The following ANKRD36C variants were observed in gnomAD, a reference collection of about 807,000 sequenced individuals.
ANKRD36C encodes ankyrin repeat domain-containing protein 36C.
In ANKRD36C, 61 loss-of-function variants were observed where a neutral mutation model predicts 276.4. The observed-to-expected ratio is 0.22, with a 90% CI of 0.18 to 0.27. The LOEUF is 0.27. ANKRD36C is among the 10% of genes least tolerant of loss of function. The probability of loss-of-function intolerance (pLI) is 1.00; values close to 1 mark genes in which losing one functional copy is unlikely to be tolerated. For synonymous variants in ANKRD36C, 483 were observed against 680.1 expected, an observed-to-expected ratio of 0.71 and a Z score of 4.51; for missense variants, 1,447 against 2,032.3, an observed-to-expected ratio of 0.71 and a Z score of 5.54.
chr2:95,923,774 G>C (rs1393404614), intron 30 of ANKRD36C, 85 bp from the exon 31 acceptor site: 66 of 1,566,422 alleles, frequency 4.2e-5, no homozygotes, highest in Non-Finnish European at 5.7e-5. Context: ...GAATCAAGCT[G>C]TATGCTCCTG....
intron 52 of ANKRD36C, among the ~76,000 whole-genome samples, chr2:95,885,360 G>T (rs1676175549): frequency 6.6e-6 from 1 of 151,890 alleles, no homozygotes; most frequent in Non-Finnish European, 1.5e-5. Context: ...AACAAAACGT[G>T]TATCTCTGAT....
intron 17 of ANKRD36C, among the ~76,000 whole-genome samples, 155 bp from the exon 18 acceptor site, chr2:95,945,329 A>G (rs563498126): frequency 6.6e-6 from 1 of 152,422 alleles, no homozygotes; most frequent in Admixed American, 6.5e-5. Context: ...ACTTATCTAC[A>G]TATTCACATG....
At chr2:95,889,799 C>T (rs1676291963) in exon 48 of ANKRD36C, 1 of 1,585,380 alleles carries the variant, frequency 6.3e-7, no homozygotes, top group Admixed American at 1.8e-5. Flanking sequence ...GCAAAATTAC[C>T]TGTCCCAGAT....
Position 95,959,631 on chromosome 2 carries a change from C to G in ANKRD36C, c.1003+842G>C, listed in dbSNP as rs556065283. On this transcript the variant is annotated intron_variant, in intron 10 of 66. Transcript: ENST00000456556. ...AATTAATGAATTCAACATTATTTTT[C>G]TTTCTAAAATAGTCTGGTTTGAAGG... is the stretch of plus-strand genomic sequence containing the variant. 1.4e-3 allele frequency among the ~76,000 whole-genome samples: 214 copies of G among 149,970 alleles called. 3 individuals are homozygous for G. The highest frequency in any genetic ancestry group is 1.1e-3 in the Non-Finnish European group (75 of 67,080).
intron 59 of ANKRD36C, among the ~76,000 whole-genome samples, chr2:95,874,618 G>A (rs1675899647): frequency 6.6e-6 from 1 of 152,126 alleles, no homozygotes; most frequent in Non-Finnish European, 1.5e-5. Context: ...CATAGGCATG[G>A]GCAAGGACTT....
chr2:95,930,519 T>A (rs1677536066), intron 24 of ANKRD36C, among the ~76,000 whole-genome samples: 1 of 151,642 alleles, frequency 6.6e-6, no homozygotes, highest in African/African-American at 2.4e-5. Context: ...CACTGTCTCT[T>A]CGTCCACTTT....
exon 65 of ANKRD36C, chr2:95,852,143 C>G (rs768129141): frequency 3.9e-5 from 63 of 1,608,480 alleles, no homozygotes; most frequent in Non-Finnish European, 4.8e-5. Flanking sequence ...CGTCGCCTTC[C>G]ATCTCCTTAG....
At position 95,867,572 on chromosome 2, in the gene ANKRD36C, G is replaced by C. The variant is rs749177094; in HGVS notation, c.3550C>G (p.Gln1184Glu). 90 of 1,400,622 alleles carry C rather than the reference G, an allele frequency of 6.4e-5. No homozygotes were observed. The African/African-American group carries it at 1.1e-3, about 17-fold the overall frequency. The allele number at this position is 1,400,622 out of a possible 1,614,324, so 86.8% of individuals were successfully genotyped here. The change falls in exon 60 of 67, where the codon CAA becomes GAA. Residue 1184 changes from glutamine (Q) to glutamate (E), a missense_variant. Gln to Glu is a conservative substitution (Grantham distance 29). Transcript: ENST00000456556. ...TCAAGGTCATCCCTAGAATGTATTT[G>C]GTTTTTCACCTACAAAATAAATAAC...
downstream of ANKRD36C, among the ~76,000 whole-genome samples, chr2:95,849,955 G>C (rs1466615531): frequency 2.4e-4 from 37 of 152,174 alleles, no homozygotes; most frequent in Non-Finnish European, 1.5e-5. Flanking sequence ...TGACCTGGGG[G>C]TTGGGGACCC....
At chr2:95,867,562 G>C (rs1348104033) in exon 60 of ANKRD36C, 2 of 1,437,404 alleles carry the variant, frequency 1.4e-6, no homozygotes, top group African/African-American at 2.9e-5. Context: ...GTCATCCCTA[G>C]AATGTATTTG....
At chr2:95,958,162 G>T (rs1222467267) in intron 12 of ANKRD36C, among the ~76,000 whole-genome samples, 1 of 151,290 alleles carries the variant, frequency 6.6e-6, no homozygotes, top group African/African-American at 2.4e-5. Context: ...CTACATCAGT[G>T]GTCTCATTAC....
intron 16 of ANKRD36C, among the ~76,000 whole-genome samples, 164 bp from the exon 17 acceptor site, chr2:95,948,760 G>A (rs1053143012): frequency 6.6e-6 from 1 of 152,168 alleles, no homozygotes; most frequent in Admixed American, 6.6e-5. Flanking sequence ...GTATAATTAA[G>A]ATATGGCTTC....
intron 19 of ANKRD36C, among the ~76,000 whole-genome samples, chr2:95,942,723 A>T (rs542661409): frequency 7.0e-4 from 107 of 152,380 alleles, no homozygotes; most frequent in Admixed American, 1.8e-3. Flanking sequence ...CTTCAAATAC[A>T]CTATGCCTGT....
At chr2:95,982,311 C>G in exon 4 of ANKRD36C, 1 of 1,550,996 alleles carries the variant, frequency 6.4e-7, no homozygotes, top group Non-Finnish European at 8.7e-7. Context: ...AAAAATTCCA[C>G]CATTTTCACT....
intron 24 of ANKRD36C, among the ~76,000 whole-genome samples, chr2:95,934,370 T>C (rs926556051): frequency 6.6e-6 from 1 of 152,030 alleles, no homozygotes; most frequent in African/African-American, 2.4e-5. Context: ...CCATCAGTGA[T>C]AGACTGGATA....
exon 50 of ANKRD36C, chr2:95,887,966 T>C (rs1676239732): frequency 6.3e-7 from 1 of 1,599,694 alleles, no homozygotes; most frequent in Admixed American, 1.7e-5. Context: ...TGTGGGTATA[T>C]TCGAAACAGA....
Position 95,964,004 on chromosome 2 carries a change from TATATATATATGTGTGTG to T in ANKRD36C, c.800-1474_800-1458del, listed in dbSNP as rs1185859103. Among the ~76,000 whole-genome samples, 9 of 19,876 alleles carry T rather than the reference TATATATATATGTGTGTG, an allele frequency of 4.5e-4. 1 individual carries two copies. Among genetic ancestry groups the T allele is most frequent in the African/African-American group, 2.2e-3 (9 of 4,152 alleles). 13.0% of individuals were successfully genotyped at this position (19,876 alleles called of 152,430 possible). On this transcript the variant is annotated intron_variant, in intron 6 of 66. Transcript: ENST00000456556. ...ATATATATATATATATATATATATA[TATATATATATGTGTGTG>T]TGTGTCATGATTGCCAAGAATATTG...
chr2:95,925,400 G>A, exon 30 of ANKRD36C: 2 of 1,564,968 alleles, frequency 1.3e-6, no homozygotes, highest in Non-Finnish European at 1.7e-6. Context: ...ATATTCAAAA[G>A]AGAAACTTTC....
chr2:95,910,458 T>G lies in ANKRD36C; in HGVS notation c.2653+1786A>C, dbSNP rs572587686. 7.6e-6 allele frequency: 12 copies of G among 1,579,706 alleles called. No individual in the cohort carries two copies. In the East Asian group the frequency reaches 1.4e-4, roughly 18 times the overall value. ...CGTCACTTGTAGCCTGAATAGAATT[T>G]GAAACGAAATAATAAATAAATAAAG... is the stretch of plus-strand genomic sequence containing the variant. On this transcript the variant is annotated intron_variant, in intron 42 of 66. Transcript: ENST00000456556.
Sources: allele counts gnomAD v4.1 joint callset (sites outside exome capture counted in the v4.1 genomes callset), GRCh38; gene constraint gnomAD v4.1.1; transcripts MANE v1.5; gene names NCBI Gene and HGNC (gene_info 2026-07-23, HGNC 2026-07-21).